Variants in ZBTB20 observed in about 807,000 individuals in gnomAD.
ZBTB20 encodes zinc finger and BTB domain containing 20.
Under a neutral mutation model 56.9 loss-of-function variants are expected in ZBTB20, and 9 were observed. That is an observed-to-expected ratio of 0.16 (90% CI 0.10 to 0.28). ZBTB20 has a LOEUF of 0.28. Ranked by LOEUF, ZBTB20 falls within the 10% of genes least tolerant of loss-of-function variation. ZBTB20 has a pLI of 1.00. For missense variants in ZBTB20, 655 were observed against 1,003.0 expected (o/e 0.65, Z 4.69); for synonymous variants, 417 against 420.7 (o/e 0.99, Z 0.11).
intron 2 of ZBTB20, among the ~76,000 whole-genome samples, chr3:115,025,881 T>C (rs1454908078): frequency 6.7e-6 from 1 of 148,636 alleles, no homozygotes; most frequent in Non-Finnish European, 1.5e-5. Context: ...AAGAGAAATA[T>C]ATAAAATATA....
At chr3:114,691,407 T>C (rs975496286) in intron 6 of ZBTB20, among the ~76,000 whole-genome samples, 3 of 152,110 alleles carry the variant, frequency 2.0e-5, no homozygotes, top group Non-Finnish European at 4.4e-5. Flanking sequence ...TGGGAGTTCA[T>C]TATAGTAATT....
intron 6 of ZBTB20, among the ~76,000 whole-genome samples, chr3:114,580,198 T>A (rs2054509370): frequency 6.6e-6 from 1 of 151,682 alleles, no homozygotes; most frequent in Non-Finnish European, 1.5e-5. Context: ...TAAGAACTGT[T>A]TAATATCAGG....
Position 114,318,999 on chromosome 3 carries a change from C to G in ZBTB20, c.*20006G>C, listed in dbSNP as rs1260415520. ...AATCCCTTTACTTACTCATCTGAAA[C>G]AAAATAAACAGCAGTGGGTACAAAC... On this transcript the variant is annotated 3_prime_UTR_variant, in exon 12 of 12. Coordinates refer to ENST00000675478, the MANE Select transcript of ZBTB20 (RefSeq NM_001348800.3). The G allele has an allele frequency of 6.6e-6, 1 of 151,898 alleles. No individual in the cohort carries two copies. The highest frequency in any genetic ancestry group is 1.5e-5 in the Non-Finnish European group (1 of 67,964). The allele number at this position is 151,898 out of a possible 1,614,324, so 9.4% of individuals were successfully genotyped here. A position where few individuals can be genotyped will look rare whatever the true frequency, so the allele number is the denominator to read the frequency against.
chr3:114,859,309 T>G (rs1485744301), intron 4 of ZBTB20, among the ~76,000 whole-genome samples: 1 of 149,728 alleles, frequency 6.7e-6, no homozygotes, highest in Non-Finnish European at 1.5e-5. Context: ...CTTTCCTTCC[T>G]TCCTTCTTGC....
At chr3:114,401,833 T>C (rs2108706863) in intron 7 of ZBTB20, among the ~76,000 whole-genome samples, 1 of 152,280 alleles carries the variant, frequency 6.6e-6, no homozygotes, top group Admixed American at 6.5e-5. Context: ...ACCAATTTGT[T>C]TGAGAACAAA....
chr3:115,114,748 C>G (rs1343814397), intron 1 of ZBTB20, among the ~76,000 whole-genome samples: 4 of 152,040 alleles, frequency 2.6e-5, no homozygotes, highest in African/African-American at 9.7e-5. Flanking sequence ...TTCTCCATAA[C>G]CACAGGTCCT....
At chr3:114,488,125 C>T (rs567716821) in intron 7 of ZBTB20, among the ~76,000 whole-genome samples, 1 of 152,308 alleles carries the variant, frequency 6.6e-6, no homozygotes, top group Non-Finnish European at 1.5e-5. Context: ...ATACTTACCA[C>T]CTCCCAACCC....
intron 7 of ZBTB20, among the ~76,000 whole-genome samples, chr3:114,486,417 T>G (rs2042159608): frequency 6.6e-6 from 1 of 152,186 alleles, no homozygotes; most frequent in South Asian, 2.1e-4. Flanking sequence ...GCATGCTTAC[T>G]GAGGAAGTTA....
intron 2 of ZBTB20, among the ~76,000 whole-genome samples, chr3:114,977,685 C>T (rs1051716791): frequency 6.6e-6 from 1 of 151,872 alleles, no homozygotes; most frequent in Non-Finnish European, 1.5e-5. Context: ...CAATCAAGGA[C>T]CTCTAAGAAA....
intron 6 of ZBTB20, among the ~76,000 whole-genome samples, chr3:114,682,540 T>C (rs903945255): frequency 6.6e-6 from 1 of 152,184 alleles, no homozygotes; most frequent in Non-Finnish European, 1.5e-5. Context: ...ATCTGACCCT[T>C]ATTTTCTATT....
chr3:114,444,275 T>C (rs1252381001), intron 7 of ZBTB20, among the ~76,000 whole-genome samples: 2 of 152,146 alleles, frequency 1.3e-5, no homozygotes, highest in Non-Finnish European at 2.9e-5. Flanking sequence ...TTGGTGGCGA[T>C]AGAGGGAGAA....
intron 3 of ZBTB20, among the ~76,000 whole-genome samples, chr3:114,962,998 T>G (rs946746949): frequency 6.6e-6 from 1 of 152,092 alleles, no homozygotes; most frequent in Non-Finnish European, 1.5e-5. Flanking sequence ...TTGTAGTAAT[T>G]AGCCAGAGCT....
rs550305519 is a variant in ZBTB20 at position 114,664,011 on chromosome 3, C to G, written c.-295+29517G>C. Among the ~76,000 whole-genome samples, 4 of 152,120 alleles carry G rather than the reference C, an allele frequency of 2.6e-5. No individual in the cohort carries two copies. In the South Asian group the frequency reaches 8.3e-4, roughly 32 times the overall value. On this transcript the variant is annotated intron_variant, in intron 6 of 11. Coordinates refer to ENST00000675478, the MANE Select transcript of ZBTB20 (RefSeq NM_001348800.3). ...AGGATTTTGCTTCTTAAGTAGATGTCATTTTTCTCCAGTAAAACCAAGTGG... is the reference window on the plus strand; with the variant it reads ...AGGATTTTGCTTCTTAAGTAGATGTGATTTTTCTCCAGTAAAACCAAGTGG...
At chr3:115,021,763 T>G (rs956221410) in intron 2 of ZBTB20, among the ~76,000 whole-genome samples, 2 of 150,790 alleles carry the variant, frequency 1.3e-5, no homozygotes, top group Non-Finnish European at 3.0e-5. Flanking sequence ...TTAAAATATG[T>G]GTAGTGTAAC....
At chr3:114,911,749 T>C (rs1037083871) in intron 3 of ZBTB20, among the ~76,000 whole-genome samples, 2 of 151,446 alleles carry the variant, frequency 1.3e-5, no homozygotes, top group Non-Finnish European at 2.9e-5. Flanking sequence ...TGAAAAAGCA[T>C]GATGAAAGTA....
chr3:114,502,542 C>G (rs2044124198), intron 6 of ZBTB20, among the ~76,000 whole-genome samples: 2 of 152,192 alleles, frequency 1.3e-5, no homozygotes, highest in South Asian at 4.2e-4. Context: ...AATTGTTTCA[C>G]AAAATTCATG....
At chr3:114,450,362 CT>C (rs1162505439) in intron 7 of ZBTB20, among the ~76,000 whole-genome samples, 1 of 152,168 alleles carries the variant, frequency 6.6e-6, no homozygotes, top group Non-Finnish European at 1.5e-5. Flanking sequence ...GTTTAACGTT[CT>C]GAGACAAAGC....
intron 2 of ZBTB20, among the ~76,000 whole-genome samples, chr3:115,018,486 C>T (rs540834009): frequency 1.3e-5 from 2 of 151,348 alleles, no homozygotes; most frequent in South Asian, 2.1e-4. Context: ...AGCAGAGACA[C>T]ATAAAGTGGC....
intron 11 of ZBTB20, 61 bp downstream of exon 11, chr3:114,350,213 C>G (rs2080546726): frequency 2.7e-5 from 41 of 1,538,244 alleles, no homozygotes; most frequent in Non-Finnish European, 3.5e-5. Context: ...GCTCTCTTAC[C>G]TTGCCTTCCC....
Sources: allele counts gnomAD v4.1 joint callset (sites outside exome capture counted in the v4.1 genomes callset), GRCh38; gene constraint gnomAD v4.1.1; transcripts MANE v1.5; gene names NCBI Gene and HGNC (gene_info 2026-07-23, HGNC 2026-07-21).